The following NXPH1 variants were observed in gnomAD, a reference collection of about 807,000 sequenced individuals.
NXPH1 encodes the protein neurexophilin 1.
A neutral mutation model predicts 23.7 loss-of-function variants in NXPH1; 5 were observed. That is an observed-to-expected ratio of 0.21 (90% CI 0.11 to 0.44). NXPH1 has a LOEUF of 0.44. Ranked by LOEUF, NXPH1 falls within the 20% of genes least tolerant of loss-of-function variation. NXPH1 has a pLI of 0.99. For synonymous variants in NXPH1, 144 were observed against 122.2 expected (o/e 1.18, Z -1.18); for missense variants, 324 against 321.6 (o/e 1.01, Z -0.06).
chr7:8,475,999 G>T (rs1369765547), intron 2 of NXPH1, among the ~76,000 whole-genome samples: 2 of 152,120 alleles, frequency 1.3e-5, no homozygotes, highest in Admixed American at 6.6e-5. Flanking sequence ...TTAAGGCAAT[G>T]GGAGTGGAGG....
chr7:8,475,036 C>T (rs1241523526), intron 2 of NXPH1, among the ~76,000 whole-genome samples: 1 of 152,108 alleles, frequency 6.6e-6, no homozygotes, highest in African/African-American at 2.4e-5. Context: ...TTGTGGGAGG[C>T]CATCCTGGTT....
intron 2 of NXPH1, among the ~76,000 whole-genome samples, chr7:8,590,445 C>T (rs1819068454): frequency 1.3e-5 from 2 of 151,988 alleles, no homozygotes; most frequent in South Asian, 4.1e-4. Flanking sequence ...CAAGGACATG[C>T]TAACTTTGTC....
At chr7:8,566,067 G>C (rs1818540246) in intron 2 of NXPH1, among the ~76,000 whole-genome samples, 2 of 151,738 alleles carry the variant, frequency 1.3e-5, no homozygotes, top group African/African-American at 4.8e-5. Flanking sequence ...TTACTGTCAA[G>C]AGAATCCAGT....
chr7:8,626,196 A>G (rs1019310256), intron 2 of NXPH1, among the ~76,000 whole-genome samples: 1 of 152,052 alleles, frequency 6.6e-6, no homozygotes, highest in Admixed American at 6.6e-5. Context: ...ATTCTGAAAA[A>G]AAAAAGAACA....
chr7:8,680,065 C>T (rs1821027370), intron 2 of NXPH1, among the ~76,000 whole-genome samples: 1 of 152,202 alleles, frequency 6.6e-6, no homozygotes, highest in African/African-American at 2.4e-5. Context: ...TTTTCAGACA[C>T]GGAGTGGTAT....
At chr7:8,486,756 CT>C (rs1302445063) in intron 2 of NXPH1, among the ~76,000 whole-genome samples, 1 of 152,030 alleles carries the variant, frequency 6.6e-6, no homozygotes, top group East Asian at 1.9e-4. Context: ...TCTTTCTGAC[CT>C]CATAATTTTT....
At chr7:8,488,132 T>C (rs1817188982) in intron 2 of NXPH1, among the ~76,000 whole-genome samples, 1 of 152,146 alleles carries the variant, frequency 6.6e-6, no homozygotes, top group Non-Finnish European at 1.5e-5. Context: ...TAACAATATC[T>C]AACTTATAGA....
intron 2 of NXPH1, among the ~76,000 whole-genome samples, chr7:8,493,491 A>G (rs1817286071): frequency 6.6e-6 from 1 of 152,066 alleles, no homozygotes; most frequent in South Asian, 2.1e-4. Flanking sequence ...TGAAGAAAGA[A>G]CATTTTGTCC....
intron 2 of NXPH1, among the ~76,000 whole-genome samples, chr7:8,705,547 A>C (rs1779689435): frequency 6.6e-6 from 1 of 152,168 alleles, no homozygotes; most frequent in South Asian, 2.1e-4. Flanking sequence ...CCTTGGTCGT[A>C]TTTTGAAGAA....
chr7:8,634,351 A>G (rs1820182442), intron 2 of NXPH1, among the ~76,000 whole-genome samples: 1 of 152,064 alleles, frequency 6.6e-6, no homozygotes, highest in Non-Finnish European at 1.5e-5. Context: ...ACCTTCCACC[A>G]TGATTGTGAG....
intron 2 of NXPH1, among the ~76,000 whole-genome samples, chr7:8,655,268 T>C (rs12538864): frequency 0.72 from 109,104 of 151,476 alleles, 39,818 homozygotes; most frequent in East Asian, 1. Context: ...GTCCATAGTC[T>C]TAGCTACTTG....
intron 2 of NXPH1, among the ~76,000 whole-genome samples, chr7:8,731,597 G>C (rs1342703052): frequency 6.6e-6 from 1 of 152,154 alleles, no homozygotes; most frequent in Non-Finnish European, 1.5e-5. Flanking sequence ...GGAGTACTCG[G>C]CTGTGTGAGG....
intron 2 of NXPH1, among the ~76,000 whole-genome samples, chr7:8,471,096 C>T (rs1352337786): frequency 2.6e-5 from 4 of 152,056 alleles, no homozygotes; most frequent in African/African-American, 9.7e-5. Context: ...GAGTTTATAT[C>T]TGAAAATCAG....
In NXPH1 at chr7:8,531,388, A is replaced by G. The variant is rs1296534796; in HGVS notation, c.54+95621A>G. Among the ~76,000 whole-genome samples the G allele has an allele frequency of 2.0e-5, 3 of 152,218 alleles. No individual in the cohort carries two copies. The East Asian group carries it at 5.8e-4, about 29-fold the overall frequency. On this transcript the variant is annotated intron_variant, in intron 2 of 2. Transcript: ENST00000405863. Reference sequence around the variant, plus strand: ...TGTTGAATGAAGCAACAGTTTTTACATGTACAGAAACATTGTAGAAAAATT... The same window carrying G: ...TGTTGAATGAAGCAACAGTTTTTACGTGTACAGAAACATTGTAGAAAAATT...
At chr7:8,713,931 C>G (rs1285118282) in intron 2 of NXPH1, among the ~76,000 whole-genome samples, 1 of 152,214 alleles carries the variant, frequency 6.6e-6, no homozygotes, top group Non-Finnish European at 1.5e-5. Context: ...CAGCACAGCA[C>G]TGAGTCTTGC....
At chr7:8,621,674 C>G (rs2189456) in intron 2 of NXPH1, among the ~76,000 whole-genome samples, 43,670 of 151,762 alleles carry the variant, frequency 0.29, 6,915 homozygotes, top group African/African-American at 0.4. Flanking sequence ...TTAGTAGAGA[C>G]AGGGTTTCAC....
intron 2 of NXPH1, among the ~76,000 whole-genome samples, chr7:8,638,176 A>G (rs2115140407): frequency 6.6e-6 from 1 of 152,348 alleles, no homozygotes; most frequent in Non-Finnish European, 1.5e-5. Context: ...GAGCTAGGAA[A>G]ACAAAGCAGA....
At chr7:8,539,050 C>T (rs1211329410) in intron 2 of NXPH1, among the ~76,000 whole-genome samples, 1 of 151,874 alleles carries the variant, frequency 6.6e-6, no homozygotes, top group African/African-American at 2.4e-5. Context: ...CATTGGACAT[C>T]ATTTGGCTCA....
chr7:8,497,967 G>C (rs544618710), intron 2 of NXPH1, among the ~76,000 whole-genome samples: 1 of 152,018 alleles, frequency 6.6e-6, no homozygotes, highest in African/African-American at 2.4e-5. Flanking sequence ...TATTGCCTAG[G>C]TTTTCTTCTA....
Sources: gnomAD v4.1 joint callset for allele counts (sites outside exome capture counted in the v4.1 genomes callset) on GRCh38, gnomAD v4.1.1 for gene constraint, MANE v1.5 for transcripts, NCBI Gene and HGNC (gene_info 2026-07-23, HGNC 2026-07-21) for gene names.